USP22: variants seen among roughly 807,000 people sequenced by gnomAD.
USP22 encodes ubiquitin specific peptidase 22.
USP22 carries 22 observed loss-of-function variants against 68.1 expected under a neutral mutation model. That is an observed-to-expected ratio of 0.32 (90% CI 0.23 to 0.46). The LOEUF is 0.46. Among genes scored for constraint, USP22 ranks in the 20% least tolerant of loss-of-function variants. The probability of loss-of-function intolerance (pLI) is 1.00; values close to 1 mark genes in which losing one functional copy is unlikely to be tolerated. For missense variants in USP22, 433 were observed against 695.8 expected (o/e 0.62, Z 4.25); for synonymous variants, 279 against 274.2 (o/e 1.02, Z -0.17).
intron 5 of USP22, among the ~76,000 whole-genome samples, chr17:21,017,204 CCAGA>C (rs978215306): frequency 2.0e-5 from 3 of 152,204 alleles, no homozygotes; most frequent in African/African-American, 7.2e-5. Context: ...CGACCAGTGA[CCAGA>C]CAGACATGAG....
chr17:21,004,778 TGCGGGCAGCCAATAGTGGA>T, intron 11 of USP22, 131 bp downstream of exon 11: 4 of 86,516 alleles, frequency 4.6e-5, no homozygotes, highest in Non-Finnish European at 9.7e-5. Context: ...CTAGTGGAGC[TGCGGGCAGCCAATAGTGGA>T]GCTGCGGGCA....
At position 21,001,813 on chromosome 17, in the gene USP22, A is replaced by G. The variant is rs895110544; in HGVS notation, c.*1218T>C. The G allele has an allele frequency of 6.6e-6, 1 of 152,258 alleles. No homozygotes were observed. The highest frequency in any genetic ancestry group is 2.4e-5 in the African/African-American group (1 of 41,472). 9.4% of individuals were successfully genotyped at this position (152,258 alleles called of 1,614,324 possible). A position where few individuals can be genotyped will look rare whatever the true frequency, so the allele number is the denominator to read the frequency against. On this transcript the variant is annotated 3_prime_UTR_variant, in exon 13 of 13. Coordinates refer to ENST00000261497, the MANE Select transcript of USP22 (RefSeq NM_015276.2). Reference sequence around the variant, plus strand: ...AAATGGACAAACCATCTCTGTTTGAATTTGAATACACAGATACATGCAAGA... The same window carrying G: ...AAATGGACAAACCATCTCTGTTTGAGTTTGAATACACAGATACATGCAAGA...
intron 6 of USP22, among the ~76,000 whole-genome samples, chr17:21,014,416 C>G (rs1221728098): frequency 6.6e-6 from 1 of 152,216 alleles, no homozygotes; most frequent in Non-Finnish European, 1.5e-5. Flanking sequence ...GCTCTTTCCT[C>G]TCTTATAAAT....
rs1567790258 is a variant in USP22, at chr17:21,007,887, C to G, written c.1213G>C (p.Ala405Pro). ...QLTMKKLPIV[A>P]CFHLKRFEHS... ...AAACTTACTTTGAGATGAAAACAGG[C>G]TACGATGGGCAGTTTCTTCATAGTG... is the stretch of plus-strand genomic sequence containing the variant. Residue 405 changes from alanine (A) to proline (P), a missense_variant, in exon 9 of 13, where the codon GCC (alanine) becomes CCC (proline). Around this residue, in one of 4 missense-constraint regions of USP22, gnomAD observed 178 missense variants for 351.5 expected, o/e 0.51. Transcript: ENST00000261497. The G allele has an allele frequency of 6.2e-7, 1 of 1,614,158 alleles. No homozygotes were observed. Among genetic ancestry groups the G allele is most frequent in the Non-Finnish European group, 8.5e-7 (1 of 1,180,034 alleles).
chr17:21,004,835 G>T, intron 11 of USP22, 93 bp downstream of exon 11: 1 of 1,441,474 alleles, frequency 6.9e-7, no homozygotes, highest in Non-Finnish European at 9.5e-7. Context: ...TCAGTGGCGG[G>T]GGATCCGCTG....
At chr17:21,017,540 G>A (rs1326911287) in intron 5 of USP22, among the ~76,000 whole-genome samples, 1 of 152,254 alleles carries the variant, frequency 6.6e-6, no homozygotes, top group Non-Finnish European at 1.5e-5. Flanking sequence ...GATGGGGCAT[G>A]CTTAGAGAGA....
At chr17:21,007,453 G>A (rs373733917) in intron 9 of USP22, among the ~76,000 whole-genome samples, 10 of 152,274 alleles carry the variant, frequency 6.6e-5, no homozygotes, top group South Asian at 4.2e-4. Flanking sequence ...TCGTATGATC[G>A]CACGCAGCCT....
chr17:21,032,074 T>C (rs1972297662), intron 1 of USP22, among the ~76,000 whole-genome samples: 1 of 152,276 alleles, frequency 6.6e-6, no homozygotes, highest in Non-Finnish European at 1.5e-5. Context: ...ATCATATTTT[T>C]ACTGTAACCT....
At position 21,031,343 on chromosome 17, in the gene USP22, T is replaced by TTA. The variant is rs1972288574; in HGVS notation, c.172-2671_172-2670dup. Among the ~76,000 whole-genome samples, 3 of 152,362 alleles carry TTA rather than the reference T, an allele frequency of 2.0e-5. No homozygotes were observed. The South Asian group carries it at 6.2e-4, about 32-fold the overall frequency. On this transcript the variant is annotated intron_variant, in intron 1 of 12. Transcript: ENST00000261497. ...AAAGTACACAGCAATGAAAAGGAAC[T>TTA]TATGATATACTCAGCAGCGTGGATG...
chr17:21,014,772 T>C (rs1397364673), intron 6 of USP22, among the ~76,000 whole-genome samples: 2 of 152,162 alleles, frequency 1.3e-5, no homozygotes, highest in Non-Finnish European at 2.9e-5. Flanking sequence ...TAAAATTAAC[T>C]GATAGGATAT....
intron 1 of USP22, among the ~76,000 whole-genome samples, chr17:21,038,463 G>A (rs570118652): frequency 6.6e-6 from 1 of 152,130 alleles, no homozygotes; most frequent in African/African-American, 2.4e-5. Flanking sequence ...TAGCTCAGAA[G>A]TTCAAGACCA....
chr17:21,024,319 A>G (rs1481269307), intron 2 of USP22, among the ~76,000 whole-genome samples: 2 of 152,208 alleles, frequency 1.3e-5, no homozygotes, highest in African/African-American at 4.8e-5. Context: ...TAGCCTGGGA[A>G]GACGGATCAC....
chr17:21,041,696 G>A (rs1174003776), intron 1 of USP22, among the ~76,000 whole-genome samples: 1 of 152,196 alleles, frequency 6.6e-6, no homozygotes, highest in Non-Finnish European at 1.5e-5. Flanking sequence ...ACTCAAGGTG[G>A]AAACTGCCCT....
intron 8 of USP22, 50 bp from the exon 9 acceptor site, chr17:21,008,046 G>A: frequency 1.3e-6 from 2 of 1,582,566 alleles, no homozygotes; most frequent in Admixed American, 1.8e-5. Flanking sequence ...GCAAGAGACA[G>A]AAAAATGAGA....
chr17:21,012,333 A>G (rs1245915120), intron 7 of USP22, among the ~76,000 whole-genome samples: 1 of 152,196 alleles, frequency 6.6e-6, no homozygotes, highest in East Asian at 1.9e-4. Context: ...TGACCTAACA[A>G]AGCAATGGAT....
intron 1 of USP22, among the ~76,000 whole-genome samples, chr17:21,029,330 ATGAG>A (rs1397387762): frequency 6.6e-6 from 1 of 152,254 alleles, no homozygotes; most frequent in East Asian, 1.9e-4. Context: ...GAGCACAGAA[ATGAG>A]TAAGAGGAAT....
At chr17:21,024,358 G>A (rs1466411784) in intron 2 of USP22, among the ~76,000 whole-genome samples, 1 of 152,158 alleles carries the variant, frequency 6.6e-6, no homozygotes, top group Non-Finnish European at 1.5e-5. Flanking sequence ...AATCCTTCTA[G>A]ATTTAGGCCT....
chr17:21,000,589 G>A lies in USP22; in HGVS notation c.*2442C>T, dbSNP rs143753671. ...GGGACTAGGGGTTGGCCGGCGGGAG[G>A]GGAGGCAGGGTCTGGCCAAACCCAG... On this transcript the variant is annotated 3_prime_UTR_variant, in exon 13 of 13. Coordinates refer to ENST00000261497, the MANE Select transcript of USP22 (RefSeq NM_015276.2). The A allele has an allele frequency of 2.6e-5, 4 of 152,374 alleles. No individual in the cohort carries two copies. The highest frequency in any genetic ancestry group is 4.4e-5 in the Non-Finnish European group (3 of 68,086). The allele number at this position is 152,374 out of a possible 1,614,324, so 9.4% of individuals were successfully genotyped here. A position where few individuals can be genotyped will look rare whatever the true frequency, so the allele number is the denominator to read the frequency against.
chr17:21,021,033 C>G (rs1972150640), intron 3 of USP22, 80 bp downstream of exon 3: 1 of 1,187,880 alleles, frequency 8.4e-7, no homozygotes, highest in Admixed American at 1.8e-5. Flanking sequence ...CTAGGTACTT[C>G]TCTTTCTCCT....
Sources: allele counts gnomAD v4.1 joint callset (sites outside exome capture counted in the v4.1 genomes callset), GRCh38; gene constraint gnomAD v4.1.1; regional missense constraint gnomAD v4.1.1; transcripts MANE v1.5; gene names NCBI Gene and HGNC (gene_info 2026-07-23, HGNC 2026-07-21).